The following ZNF532 variants were observed in gnomAD, a reference collection of about 807,000 sequenced individuals.
ZNF532 encodes the protein zinc finger protein 532.
ZNF532 carries 22 observed loss-of-function variants against 89.3 expected under a neutral mutation model. The observed-to-expected ratio is 0.25, with a 90% confidence interval of 0.18 to 0.35. The LOEUF (loss-of-function observed/expected upper bound fraction) is 0.35. ZNF532 is among the 10% of genes least tolerant of loss of function. The pLI, the probability that ZNF532 is intolerant of heterozygous loss-of-function variation, is 1.00. For missense variants in ZNF532, 1,132 were observed against 1,643.4 expected, an observed-to-expected ratio of 0.69 and a Z score of 5.38; for synonymous variants, 606 against 649.6, an observed-to-expected ratio of 0.93 and a Z score of 1.02.
At position 58,985,483 on chromosome 18, in the gene ZNF532, A is replaced by G. The variant is rs1299812435; in HGVS notation, c.*1017A>G. On this transcript the variant is annotated 3_prime_UTR_variant, in exon 10 of 10. Coordinates refer to ENST00000591808, the MANE Select transcript of ZNF532 (RefSeq NM_001375912.1). ...GTTCTGGGTGCTACTGCCAAACGTT[A>G]TGGTACTTAGAGTCGGGATGCACAA... 1 of 152,598 alleles carries G rather than the reference A, an allele frequency of 6.6e-6. No individual in the cohort carries two copies. The highest frequency in any genetic ancestry group is 1.5e-5 in the Non-Finnish European group (1 of 68,048). 9.5% of individuals were successfully genotyped at this position (152,598 alleles called of 1,614,324 possible). A position where few individuals can be genotyped will look rare whatever the true frequency, so the allele number is the denominator to read the frequency against.
chr18:58,915,748 C>T (rs2060558913), intron 2 of ZNF532, among the ~76,000 whole-genome samples: 1 of 152,248 alleles, frequency 6.6e-6, no homozygotes, highest in African/African-American at 2.4e-5. Context: ...CTGCCGACCA[C>T]TCAAGTTTGG....
intron 2 of ZNF532, among the ~76,000 whole-genome samples, chr18:58,887,930 G>A (rs1275468259): frequency 6.6e-6 from 1 of 152,144 alleles, no homozygotes; most frequent in Non-Finnish European, 1.5e-5. Context: ...GGCTTTTCCT[G>A]CGGAATTAAA....
At chr18:58,863,523 GCC>G, upstream of ZNF532, 2 of 142,524 alleles carry the variant, frequency 1.4e-5, no homozygotes, top group African/African-American at 2.5e-5. Context: ...CGCCGCCGCC[GCC>G]CGGCCCGGCG....
chr18:58,891,895 A>C (rs11660580), intron 2 of ZNF532, among the ~76,000 whole-genome samples: 30,551 of 152,112 alleles, frequency 0.2, 4,120 homozygotes, highest in Middle Eastern at 0.36. Flanking sequence ...GAAGTAGTTT[A>C]TTATTTGGAA....
chr18:58,978,479 T>TGTTA (rs1309139207), intron 7 of ZNF532, among the ~76,000 whole-genome samples: 1 of 152,238 alleles, frequency 6.6e-6, no homozygotes, highest in African/African-American at 2.4e-5. Context: ...ATTTATATAA[T>TGTTA]GTTATTTCAA....
chr18:58,894,649 A>G (rs1314894639), intron 2 of ZNF532, among the ~76,000 whole-genome samples: 2 of 151,946 alleles, frequency 1.3e-5, no homozygotes, highest in Non-Finnish European at 2.9e-5. Context: ...GTAATTAATC[A>G]TTTGCCTTTT....
At chr18:58,982,020 A>AT (rs1430731571) in intron 9 of ZNF532, among the ~76,000 whole-genome samples, 11 of 150,256 alleles carry the variant, frequency 7.3e-5, no homozygotes, top group Non-Finnish European at 1.3e-4. Context: ...AAAAAAAAAA[A>AT]ATCAGACCAC....
intron 3 of ZNF532, among the ~76,000 whole-genome samples, chr18:58,925,438 CT>C (rs2061447547): frequency 6.6e-6 from 1 of 151,938 alleles, no homozygotes; most frequent in Admixed American, 6.5e-5. Flanking sequence ...CTCTTCATAT[CT>C]TTTGCCCATT....
intron 7 of ZNF532, among the ~76,000 whole-genome samples, chr18:58,968,718 G>T (rs2066171723): frequency 6.6e-6 from 1 of 152,172 alleles, no homozygotes; most frequent in African/African-American, 2.4e-5. Flanking sequence ...GCTGGGATTA[G>T]GTTTCTTCAT....
At chr18:58,868,693 T>G (rs2056703391) in intron 2 of ZNF532, among the ~76,000 whole-genome samples, 1 of 152,240 alleles carries the variant, frequency 6.6e-6, no homozygotes, top group African/African-American at 2.4e-5. Context: ...TGAAGGACAT[T>G]AGGGTTGTTT....
intron 4 of ZNF532, 103 bp from the exon 5 acceptor site, chr18:58,939,342 A>G: frequency 1.1e-6 from 1 of 940,176 alleles, no homozygotes; most frequent in South Asian, 2.7e-5. Context: ...GGGCCATTAA[A>G]AACCTAAAAG....
intron 2 of ZNF532, among the ~76,000 whole-genome samples, chr18:58,870,072 GTTT>G (rs764095848): frequency 0.015 from 1,690 of 112,750 alleles, 26 homozygotes; most frequent in Middle Eastern, 0.051. Flanking sequence ...AGCCCAGGTT[GTTT>G]TTTTTTTTTT....
chr18:58,917,137 C>A (rs1348381654), intron 2 of ZNF532, among the ~76,000 whole-genome samples: 1 of 152,206 alleles, frequency 6.6e-6, no homozygotes, highest in Non-Finnish European at 1.5e-5. Context: ...TCTCTTCCCT[C>A]TTTCCTTTCC....
intron 7 of ZNF532, among the ~76,000 whole-genome samples, chr18:58,972,966 A>G (rs569023769): frequency 6.6e-6 from 1 of 152,322 alleles, no homozygotes; most frequent in South Asian, 2.1e-4. Context: ...TCTGTTCTCA[A>G]GGAGCTTATG....
At chr18:58,960,412 G>A (rs187971789) in intron 7 of ZNF532, among the ~76,000 whole-genome samples, 1 of 152,132 alleles carries the variant, frequency 6.6e-6, no homozygotes, top group Non-Finnish European at 1.5e-5. Context: ...TGGAGAATGA[G>A]CTGTGGCCAG....
chr18:58,984,221 C>G lies in ZNF532; in HGVS notation c.3661C>G (p.His1221Asp). The change falls in exon 10 of 10, where the codon CAC becomes GAC. Residue 1221 changes from histidine (H) to aspartate (D), a missense_variant. Physicochemically the swap from His to Asp is moderately conservative, Grantham distance 81. This residue lies in a region of ZNF532 where 415 missense variants were observed against 604.8 expected (regional missense o/e 0.69). Transcript: ENST00000591808. ...CYTSHVSLSRHLFIVHKLKEP... is the reference protein window; with the variant it reads ...CYTSHVSLSRDLFIVHKLKEP... Reference sequence around the variant, plus strand: ...CACGTCTCACGTCTCTCTGTCCAGGCACCTCTTCATCGTACACAAGTTAAA... The same window carrying G: ...CACGTCTCACGTCTCTCTGTCCAGGGACCTCTTCATCGTACACAAGTTAAA... The G allele has an allele frequency of 6.2e-7, 1 of 1,611,932 alleles. No individual in the cohort carries two copies. The highest frequency in any genetic ancestry group is 8.5e-7 in the Non-Finnish European group (1 of 1,179,842).
intron 5 of ZNF532, among the ~76,000 whole-genome samples, chr18:58,942,494 G>A (rs2063277310): frequency 6.6e-6 from 1 of 151,774 alleles, no homozygotes; most frequent in South Asian, 2.1e-4. Flanking sequence ...AAACTCCAAA[G>A]CCAGTGAAAG....
At chr18:58,937,773 C>T (rs958870220) in intron 4 of ZNF532, among the ~76,000 whole-genome samples, 1 of 152,146 alleles carries the variant, frequency 6.6e-6, no homozygotes, top group East Asian at 1.9e-4. Context: ...TATTTTAATT[C>T]TTCTCATTTT....
At chr18:58,961,527 G>A (rs1034087657) in intron 7 of ZNF532, among the ~76,000 whole-genome samples, 3 of 152,170 alleles carry the variant, frequency 2.0e-5, no homozygotes, top group Non-Finnish European at 4.4e-5. Context: ...TGCACAACAC[G>A]AGTCATTGCC....
Sources: gnomAD v4.1 joint callset for allele counts (sites outside exome capture counted in the v4.1 genomes callset) on GRCh38, gnomAD v4.1.1 for gene constraint, gnomAD v4.1.1 regional missense constraint, MANE v1.5 for transcripts, NCBI Gene and HGNC (gene_info 2026-07-23, HGNC 2026-07-21) for gene names.